The following RAPGEF5 variants were observed in gnomAD, a reference collection of about 807,000 sequenced individuals.
The protein encoded by RAPGEF5 is Rap guanine nucleotide exchange factor 5, also known as M-Ras-regulated GEF.
In RAPGEF5, 65 loss-of-function variants were observed where a neutral mutation model predicts 125.2. That is an observed-to-expected ratio of 0.52 (90% CI 0.43 to 0.64). RAPGEF5 has a LOEUF of 0.64. RAPGEF5 is among the 30% of genes least tolerant of loss of function. The pLI is 0.00. For missense variants in RAPGEF5, 958 were observed against 1,048.1 expected, an observed-to-expected ratio of 0.91 and a Z score of 1.19; for synonymous variants, 391 against 385.9, an observed-to-expected ratio of 1.01 and a Z score of -0.16.
At chr7:22,218,579 G>A (rs1785698301) in intron 9 of RAPGEF5, among the ~76,000 whole-genome samples, 2 of 152,136 alleles carry the variant, frequency 1.3e-5, no homozygotes, top group African/African-American at 4.8e-5. Context: ...TATGAAAACT[G>A]TTGCTCATCT....
chr7:22,189,842 T>G (rs1023168909), intron 11 of RAPGEF5, among the ~76,000 whole-genome samples: 2 of 152,058 alleles, frequency 1.3e-5, no homozygotes, highest in African/African-American at 4.8e-5. Context: ...TCTCAGGGAG[T>G]GTTATTGCTA....
intron 18 of RAPGEF5, among the ~76,000 whole-genome samples, chr7:22,148,552 G>T (rs1032301135): frequency 2.6e-5 from 4 of 152,116 alleles, no homozygotes; most frequent in African/African-American, 9.7e-5. Context: ...GACATCTTTT[G>T]GTGATGAAAT....
chr7:22,197,953 A>C lies in RAPGEF5; in HGVS notation c.997-3920T>G, dbSNP rs987889461. The stretch of plus-strand genomic sequence containing the variant: ...CACCCAGGCTGGAGTGCAGGAGCAC[A>C]ATCTCCACTCACTGCCACCTCTGCA... On this transcript the variant is annotated intron_variant, in intron 9 of 25. Transcript: ENST00000665637. Among the ~76,000 whole-genome samples the C allele has an allele frequency of 1.5e-4, 22 of 149,274 alleles. 1 individual carries two copies. The highest frequency in any genetic ancestry group is 4.0e-4 in the Admixed American group (6 of 14,972).
intron 7 of RAPGEF5, among the ~76,000 whole-genome samples, chr7:22,234,538 C>T (rs1786138077): frequency 6.6e-6 from 1 of 152,180 alleles, no homozygotes; most frequent in Admixed American, 6.5e-5. Flanking sequence ...AAATAACTTA[C>T]CATAACAAAA....
chr7:22,346,058 T>G (rs1401587396), intron 1 of RAPGEF5, among the ~76,000 whole-genome samples: 3 of 152,186 alleles, frequency 2.0e-5, no homozygotes, highest in Non-Finnish European at 4.4e-5. Flanking sequence ...TTTCCATTTG[T>G]CTAAGATTCA....
chr7:22,123,006 T>G (rs1232313829), intron 25 of RAPGEF5, among the ~76,000 whole-genome samples: 2 of 152,202 alleles, frequency 1.3e-5, no homozygotes, highest in Non-Finnish European at 2.9e-5. Context: ...TTTTCTGTTG[T>G]TTAGATTTTG....
At chr7:22,194,441 A>T (rs1356050737) in intron 9 of RAPGEF5, 12 of 452,112 alleles carry the variant, frequency 2.7e-5, no homozygotes, top group Non-Finnish European at 2.9e-5. Flanking sequence ...AAGTTGAATC[A>T]TACAAAATAT....
At chr7:22,129,495 C>A (rs534942283) in intron 24 of RAPGEF5, among the ~76,000 whole-genome samples, 9 of 152,180 alleles carry the variant, frequency 5.9e-5, no homozygotes, top group Non-Finnish European at 1.2e-4. Flanking sequence ...CATATTCCCG[C>A]AATTGTTTCA....
chr7:22,310,577 T>G (rs765376772), intron 3 of RAPGEF5, among the ~76,000 whole-genome samples: 1 of 152,234 alleles, frequency 6.6e-6, no homozygotes, highest in Non-Finnish European at 1.5e-5. Context: ...TTTGGTTCAA[T>G]TATTTATAGA....
At chr7:22,299,265 T>C (rs569844295) in intron 5 of RAPGEF5, among the ~76,000 whole-genome samples, 1 of 152,286 alleles carries the variant, frequency 6.6e-6, no homozygotes, top group East Asian at 1.9e-4. Context: ...TTTGAGCATG[T>C]TATGTTTTAA....
chr7:22,193,224 CAAGGCAAGGGACGAGTCG>C, intron 11 of RAPGEF5, 125 bp downstream of exon 11: 1 of 881,234 alleles, frequency 1.1e-6, no homozygotes, highest in Non-Finnish European at 1.7e-6. Flanking sequence ...CAAATCAGCA[CAAGGCAAGGGACGAGTCG>C]CACAAAGCAT....
rs1269532645 is a variant in RAPGEF5 at position 22,349,109 on chromosome 7, G to C, written c.231+7721C>G. 1.4e-5 allele frequency among the ~76,000 whole-genome samples: 2 copies of C among 140,502 alleles called. 1 individual carries two copies. The highest frequency in any genetic ancestry group is 5.2e-5 in the African/African-American group (2 of 38,224). 92.2% of individuals were successfully genotyped at this position (140,502 alleles called of 152,430 possible). On this transcript the variant is annotated intron_variant, in intron 1 of 25. Coordinates refer to ENST00000665637, the MANE Select transcript of RAPGEF5 (RefSeq NM_012294.5). The stretch of plus-strand genomic sequence containing the variant: ...GCCTAAAAGAAAAAAAAAAAAAAAA[G>C]CAATAAGACCCAGTGTTCCACAGAT...
At chr7:22,253,435 C>A (rs966136452) in intron 7 of RAPGEF5, among the ~76,000 whole-genome samples, 2 of 152,184 alleles carry the variant, frequency 1.3e-5, no homozygotes, top group Non-Finnish European at 2.9e-5. Flanking sequence ...AAAATCAATT[C>A]TGAGAGGATC....
At chr7:22,274,855 T>A (rs1296787564) in intron 6 of RAPGEF5, among the ~76,000 whole-genome samples, 1 of 152,184 alleles carries the variant, frequency 6.6e-6, no homozygotes, top group African/African-American at 2.4e-5. Flanking sequence ...TTTATAATAT[T>A]ATATCTTTTC....
chr7:22,331,708 G>GCA (rs1783923043), intron 1 of RAPGEF5, among the ~76,000 whole-genome samples: 1 of 138,272 alleles, frequency 7.2e-6, no homozygotes, highest in African/African-American at 2.8e-5. Flanking sequence ...TCGCACCATT[G>GCA]CACTCCAGCC....
intron 20 of RAPGEF5, 131 bp downstream of exon 20, chr7:22,144,913 C>A (rs1583407512): frequency 9.8e-7 from 1 of 1,025,466 alleles, no homozygotes; most frequent in South Asian, 2.0e-5. Context: ...ACATTTTCAG[C>A]CATTTAGTCA....
intron 7 of RAPGEF5, among the ~76,000 whole-genome samples, chr7:22,262,106 G>A (rs1432631974): frequency 6.6e-6 from 1 of 152,052 alleles, no homozygotes; most frequent in Non-Finnish European, 1.5e-5. Flanking sequence ...CTCGTTGAGA[G>A]GATGAAAAAG....
chr7:22,255,344 T>C (rs1376287519), intron 7 of RAPGEF5, among the ~76,000 whole-genome samples: 2 of 152,140 alleles, frequency 1.3e-5, no homozygotes, highest in Non-Finnish European at 2.9e-5. Flanking sequence ...ATCCCAGCAC[T>C]TTGAGAGGTC....
chr7:22,150,441 A>T lies in RAPGEF5; in HGVS notation c.1850T>A (p.Ile617Lys). 6.2e-7 allele frequency: 1 copy of T among 1,608,986 alleles called. No homozygotes were observed. Among genetic ancestry groups the T allele is most frequent in the Non-Finnish European group, 8.5e-7 (1 of 1,177,910 alleles). The change falls in exon 18 of 26, where the codon ATA (isoleucine) becomes AAA (lysine). Residue 617 changes from isoleucine to lysine, a missense_variant. Transcript: ENST00000665637. ...ISKSLEASGRIYVYRKDLADT... is the reference protein window; with the variant it reads ...ISKSLEASGRKYVYRKDLADT... ...CGCCAGGTCTTTCCGGTAGACATATATTCGACCAGATGCCTCGAGGGATTT... is the reference window on the plus strand; with the variant it reads ...CGCCAGGTCTTTCCGGTAGACATATTTTCGACCAGATGCCTCGAGGGATTT...
Sources: gnomAD v4.1 joint callset for allele counts (sites outside exome capture counted in the v4.1 genomes callset) on GRCh38, gnomAD v4.1.1 for gene constraint, MANE v1.5 for transcripts, NCBI Gene and HGNC (gene_info 2026-07-23, HGNC 2026-07-21) for gene names.